Variants in SPRED1 observed in about 807,000 individuals in gnomAD.
SPRED1 encodes the protein sprouty related EVH1 domain containing 1, also known as sprouty-related, EVH1 domain-containing protein 1.
SPRED1 carries 18 observed loss-of-function variants against 52.3 expected under a neutral mutation model. The ratio of observed to expected loss-of-function variants is 0.34; its 90% CI spans 0.24 to 0.51. SPRED1 has a LOEUF of 0.51. SPRED1 is among the 20% of genes least tolerant of loss of function. SPRED1 has a pLI of 0.97. For synonymous variants in SPRED1, 155 were observed against 179.7 expected (o/e 0.86, Z 1.10); for missense variants, 485 against 551.0 (o/e 0.88, Z 1.20).
At chr15:38,316,511 G>A (rs1348682697) in intron 2 of SPRED1, among the ~76,000 whole-genome samples, 1 of 151,924 alleles carries the variant, frequency 6.6e-6, no homozygotes. Flanking sequence ...TAAGATCTGT[G>A]TTGGAATGCA....
chr15:38,266,583 A>G (rs1894311120), intron 1 of SPRED1, among the ~76,000 whole-genome samples: 1 of 152,188 alleles, frequency 6.6e-6, no homozygotes, highest in Non-Finnish European at 1.5e-5. Context: ...CTGAGGTTGC[A>G]GTAAGCCAAG....
intron 2 of SPRED1, among the ~76,000 whole-genome samples, chr15:38,307,886 G>T (rs903190828): frequency 1.3e-5 from 2 of 152,014 alleles, no homozygotes; most frequent in Non-Finnish European, 2.9e-5. Context: ...TTTTCTTAGG[G>T]TTATAAAAAT....
chr15:38,312,507 G>T (rs1298671277), intron 2 of SPRED1, among the ~76,000 whole-genome samples: 2 of 152,042 alleles, frequency 1.3e-5, no homozygotes, highest in South Asian at 4.1e-4. Flanking sequence ...CCTTTTGTGG[G>T]TAGAATTCCC....
Position 38,322,266 on chromosome 15 carries a change from A to G in SPRED1, c.233A>G (p.Lys78Arg). The G allele has an allele frequency of 6.2e-7, 1 of 1,613,880 alleles. No homozygotes were observed. The highest frequency in any genetic ancestry group is 8.5e-7 in the Non-Finnish European group (1 of 1,179,898). Reference sequence around the variant, plus strand: ...GTGGTTTTGGAATGTATGCTTAAAAAAGACCTCATTTATAATAAGGTCACT... The same window carrying G: ...GTGGTTTTGGAATGTATGCTTAAAAGAGACCTCATTTATAATAAGGTCACT... ...KMVVLECMLK[K>R]DLIYNKVTPT... Residue 78 changes from lysine (K) to arginine (R), a missense_variant, in exon 3 of 7, where the codon AAA (lysine) becomes AGA (arginine). Around this residue, in one of 5 missense-constraint regions of SPRED1, gnomAD observed 232 missense variants for 231.8 expected, o/e 1.00. Transcript: ENST00000299084.
chr15:38,262,845 G>GCTACCTT (rs1255047758), intron 1 of SPRED1, among the ~76,000 whole-genome samples: 1 of 152,190 alleles, frequency 6.6e-6, no homozygotes, highest in African/African-American at 2.4e-5. Context: ...TGTTCTTTGA[G>GCTACCTT]CTACCTTCCC....
intron 2 of SPRED1, among the ~76,000 whole-genome samples, chr15:38,312,001 A>G (rs1354462543): frequency 6.6e-6 from 1 of 152,046 alleles, no homozygotes; most frequent in Non-Finnish European, 1.5e-5. Flanking sequence ...CCTCCTTTGT[A>G]AAGTCCAGAC....
At chr15:38,309,957 C>T (rs1276547503) in intron 2 of SPRED1, among the ~76,000 whole-genome samples, 1 of 152,154 alleles carries the variant, frequency 6.6e-6, no homozygotes, top group African/African-American at 2.4e-5. Flanking sequence ...CCACCAGTAT[C>T]ACACACTGTA....
intron 2 of SPRED1, among the ~76,000 whole-genome samples, chr15:38,319,436 A>G (rs935139944): frequency 7.2e-5 from 11 of 152,160 alleles, no homozygotes; most frequent in African/African-American, 2.7e-4. Context: ...CTGGAGTGCA[A>G]TGGCATGATC....
intron 2 of SPRED1, among the ~76,000 whole-genome samples, chr15:38,319,673 T>C (rs1270264810): frequency 6.6e-6 from 1 of 152,214 alleles, no homozygotes; most frequent in Non-Finnish European, 1.5e-5. Flanking sequence ...CCACTGTGCC[T>C]GGCGGTTAAT....
chr15:38,278,251 G>A (rs1020528401), intron 1 of SPRED1, among the ~76,000 whole-genome samples: 2 of 152,138 alleles, frequency 1.3e-5, no homozygotes, highest in East Asian at 1.9e-4. Context: ...GGAGGTCCAG[G>A]TGGGCAGATT....
At chr15:38,259,731 A>G (rs1014691434) in intron 1 of SPRED1, among the ~76,000 whole-genome samples, 3 of 152,222 alleles carry the variant, frequency 2.0e-5, no homozygotes, top group Non-Finnish European at 4.4e-5. Context: ...CAGTAATGTA[A>G]CACTAGGGGA....
rs1263567092 is a variant in SPRED1 at position 38,324,826 on chromosome 15, A to G, written c.423+17A>G. ...GACTTACAAGTAAGTAATGGCTTGG[A>G]AGGAATTTGTAAACATAAAGGATGT... On this transcript the variant is annotated intron_variant, in intron 4 of 6. Transcript: ENST00000299084. The G allele has an allele frequency of 5.6e-6, 9 of 1,607,530 alleles. No individual in the cohort carries two copies. The highest frequency in any genetic ancestry group is 1.7e-5 in the Admixed American group (1 of 59,708).
chr15:38,335,450 A>C (rs900646563), intron 4 of SPRED1, among the ~76,000 whole-genome samples: 4 of 152,100 alleles, frequency 2.6e-5, no homozygotes, highest in Non-Finnish European at 5.9e-5. Flanking sequence ...GAGAAGAGGA[A>C]ATGGATGTGA....
intron 1 of SPRED1, among the ~76,000 whole-genome samples, chr15:38,263,918 G>A (rs1486372472): frequency 6.6e-6 from 1 of 152,164 alleles, no homozygotes; most frequent in Non-Finnish European, 1.5e-5. Context: ...CATGGGCCGC[G>A]GGTTGGATGA....
intron 2 of SPRED1, among the ~76,000 whole-genome samples, chr15:38,299,851 A>G (rs1895118114): frequency 6.6e-6 from 1 of 152,154 alleles, no homozygotes; most frequent in Non-Finnish European, 1.5e-5. Flanking sequence ...GCTATTCCCT[A>G]GACCAGAGAT....
chr15:38,286,060 A>G (rs1256163745), intron 1 of SPRED1, among the ~76,000 whole-genome samples: 1 of 151,988 alleles, frequency 6.6e-6, no homozygotes, highest in Non-Finnish European at 1.5e-5. Flanking sequence ...TCTGGGAAAC[A>G]TAGTGAGGCC....
intron 1 of SPRED1, among the ~76,000 whole-genome samples, chr15:38,268,644 C>A (rs1242121388): frequency 6.6e-6 from 1 of 152,150 alleles, no homozygotes; most frequent in Non-Finnish European, 1.5e-5. Flanking sequence ...TCATACAGGA[C>A]CCATCATTTA....
At chr15:38,261,702 A>G (rs1220215992) in intron 1 of SPRED1, among the ~76,000 whole-genome samples, 2 of 152,134 alleles carry the variant, frequency 1.3e-5, no homozygotes, top group Non-Finnish European at 2.9e-5. Flanking sequence ...TATAATTTGG[A>G]TAAAGGCCAT....
intron 1 of SPRED1, among the ~76,000 whole-genome samples, chr15:38,289,095 A>G (rs74007142): frequency 0.043 from 6,502 of 152,158 alleles, 463 homozygotes; most frequent in African/African-American, 0.15. Context: ...CTCTAAACCA[A>G]TGGAATTTTT....
Sources: gnomAD v4.1 joint callset for allele counts (sites outside exome capture counted in the v4.1 genomes callset) on GRCh38, gnomAD v4.1.1 for gene constraint, gnomAD v4.1.1 regional missense constraint, MANE v1.5 for transcripts, NCBI Gene and HGNC (gene_info 2026-07-23, HGNC 2026-07-21) for gene names.